Variants in RNF123 observed in about 807,000 individuals in gnomAD.
RNF123 encodes the protein ring finger protein 123, also known as E3 ubiquitin-protein ligase RNF123.
Under a neutral mutation model 168.5 loss-of-function variants are expected in RNF123, and 86 were observed. The observed-to-expected ratio is 0.51, with a 90% CI of 0.43 to 0.61. The LOEUF (loss-of-function observed/expected upper bound fraction) is 0.61. Among genes scored for constraint, RNF123 ranks in the 20% least tolerant of loss-of-function variants. RNF123 has a pLI of 0.00. For missense variants in RNF123, 1,419 were observed against 1,729.7 expected, an observed-to-expected ratio of 0.82 and a Z score of 3.19; for synonymous variants, 666 against 689.1, an observed-to-expected ratio of 0.97 and a Z score of 0.52.
intron 1 of RNF123, among the ~76,000 whole-genome samples, chr3:49,690,376 CAT>C (rs1168645746): frequency 6.6e-6 from 1 of 152,230 alleles, no homozygotes; most frequent in Non-Finnish European, 1.5e-5. Context: ...TAAGTAACCT[CAT>C]GTGGATGACG....
Position 49,715,852 on chromosome 3 carries a change from A to G in RNF123, c.3181A>G (p.Asn1061Asp). The change falls in exon 33 of 39, where the codon AAC becomes GAC. Residue 1061 changes from asparagine to aspartate, a missense_variant. This residue lies in a region of RNF123 where 538 missense variants were observed against 708.8 expected (regional missense o/e 0.76). Transcript: ENST00000327697. ...IQQAAERLER[N>D]FVDSRQLKVC... is the part of the protein sequence containing the mutation. ...GCAGGCTGCTGAGCGCCTGGAGCGG[A>G]ACTTTGTGGACAGCCGGCAGCTCAA... The G allele has an allele frequency of 6.2e-7, 1 of 1,613,924 alleles. No homozygotes were observed. The highest frequency in any genetic ancestry group is 8.5e-7 in the Non-Finnish European group (1 of 1,180,012).
Position 49,713,898 on chromosome 3 carries a change from T to C in RNF123, c.2838-12T>C. Reference sequence around the variant, plus strand: ...CAGCCTCACCCCGTCTCTCCCCTCCTTGCCCTCACAGGCGTATCGCCATGG... The same window carrying C: ...CAGCCTCACCCCGTCTCTCCCCTCCCTGCCCTCACAGGCGTATCGCCATGG... On this transcript the variant is annotated splice_polypyrimidine_tract_variant and intron_variant, in intron 29 of 38. Coordinates refer to ENST00000327697, the MANE Select transcript of RNF123 (RefSeq NM_022064.5). 1 of 1,613,520 alleles carries C rather than the reference T, an allele frequency of 6.2e-7. No homozygotes were observed. The highest frequency in any genetic ancestry group is 8.5e-7 in the Non-Finnish European group (1 of 1,179,710).
At chr3:49,696,666 C>T (rs1354459320) in intron 3 of RNF123, among the ~76,000 whole-genome samples, 3 of 106,822 alleles carry the variant, frequency 2.8e-5, no homozygotes, top group Non-Finnish European at 1.8e-5. Flanking sequence ...TTTTTTGAGA[C>T]AGAGTCTTAC....
rs748297846 is a variant in RNF123, at chr3:49,699,609, G to A, written c.879+27G>A. On this transcript the variant is annotated intron_variant, in intron 11 of 38. Coordinates refer to ENST00000327697, the MANE Select transcript of RNF123 (RefSeq NM_022064.5). This position sits in a 1 kb window ranked among gnomAD's most constrained non-coding sequence, Gnocchi z 4.8. ...TGAGCTGGGGTCTGGGCCAGGCGGG[G>A]TGGGGGGCTTCCACAGCCTCCTGCC... The A allele has an allele frequency of 2.5e-6, 4 of 1,612,702 alleles. No homozygotes were observed. The highest frequency in any genetic ancestry group is 2.2e-5 in the East Asian group (1 of 44,876).
rs1045969778 is a variant in RNF123 at position 49,717,838 on chromosome 3, T to TG, written c.3500+1367dup. 18 of 1,192,686 alleles carry TG rather than the reference T, an allele frequency of 1.5e-5. No individual in the cohort carries two copies. The Admixed American group carries it at 2.3e-4, about 16-fold the overall frequency. 73.9% of individuals were successfully genotyped at this position (1,192,686 alleles called of 1,614,324 possible). A position where few individuals can be genotyped will look rare whatever the true frequency, so the allele number is the denominator to read the frequency against. ...GTGTTTCGAGGCCCATACAGGAAGC[T>TG]GGGGGGCCAGGCACAGTGCTTCCCA... is the stretch of plus-strand genomic sequence containing the variant. On this transcript the variant is annotated intron_variant, in intron 35 of 38. Transcript: ENST00000327697.
chr3:49,698,207 C>G, intron 7 of RNF123, 70 bp downstream of exon 7: 3 of 1,385,400 alleles, frequency 2.2e-6, no homozygotes, highest in South Asian at 1.2e-5. Context: ...CTCATCAGGT[C>G]TCCAGATCCC....
intron 35 of RNF123, chr3:49,717,970 T>A: frequency 6.2e-7 from 1 of 1,613,148 alleles, no homozygotes; most frequent in South Asian, 1.1e-5. Context: ...CATGGGACCC[T>A]CGGAGCCTAT....
At chr3:49,718,289 C>T (rs918219257) in intron 35 of RNF123, 12 of 1,613,060 alleles carry the variant, frequency 7.4e-6, no homozygotes, top group Non-Finnish European at 9.3e-6. Context: ...ACAAGGCCCA[C>T]GGCACAGCCC....
At chr3:49,702,914 C>A (rs2054435588) in intron 20 of RNF123, among the ~76,000 whole-genome samples, 161 bp downstream of exon 20, 1 of 152,256 alleles carries the variant, frequency 6.6e-6, no homozygotes, top group East Asian at 1.9e-4. Context: ...GCGGCTTCTC[C>A]ACTGGGGCAG....
At position 49,720,545 on chromosome 3, in the gene RNF123, C is replaced by T. The variant is rs764684335; in HGVS notation, c.3535C>T (p.Pro1179Ser). The T allele has an allele frequency of 3.7e-6, 6 of 1,608,578 alleles. No homozygotes were observed. Among genetic ancestry groups the T allele is most frequent in the South Asian group, 1.1e-5 (1 of 90,496 alleles). ...EQATSVLLAD[P>S]CFQLRSICYL... is the part of the protein sequence containing the mutation. Reference sequence around the variant, plus strand: ...AGCCACATCAGTGCTCCTGGCAGATCCCTGCTTCCAGCTACGCTCAATATG... The same window carrying T: ...AGCCACATCAGTGCTCCTGGCAGATTCCTGCTTCCAGCTACGCTCAATATG... Residue 1179 changes from proline (P) to serine (S), a missense_variant, in exon 36 of 39, where the codon CCC (proline) becomes TCC (serine). Around this residue, in one of 5 missense-constraint regions of RNF123, gnomAD observed 164 missense variants for 152.3 expected, o/e 1.08. Transcript: ENST00000327697.
intron 9 of RNF123, 54 bp from the exon 10 acceptor site, chr3:49,698,926 A>G: frequency 6.2e-7 from 1 of 1,608,522 alleles, no homozygotes; most frequent in Non-Finnish European, 8.5e-7. Flanking sequence ...TGATAGCCTG[A>G]GGGTGGGCAG....
At position 49,699,104 on chromosome 3, in the gene RNF123, C is replaced by A; in HGVS notation, c.763C>A (p.Arg255Ser). ...CTTCAACTTTGGCAGCCGTCCTCTG[C>A]GATATCATTTTGTGAAGATGGCTGT... ...VAFNFGSRPLRYPVAGYRPLQ... is the reference protein window; with the variant it reads ...VAFNFGSRPLSYPVAGYRPLQ... Residue 255 changes from arginine to serine, a missense_variant and splice_region_variant, in exon 10 of 39, where the codon CGC (arginine) becomes AGC (serine). Arg to Ser is a moderately radical substitution (Grantham distance 110). Around this residue, in one of 5 missense-constraint regions of RNF123, gnomAD observed 318 missense variants for 446.6 expected, o/e 0.71. Coordinates refer to ENST00000327697, the MANE Select transcript of RNF123 (RefSeq NM_022064.5). This position sits in a 1 kb window ranked among gnomAD's most constrained non-coding sequence, Gnocchi z 4.8. 1.2e-6 allele frequency: 2 copies of A among 1,612,932 alleles called. No homozygotes were observed. The highest frequency in any genetic ancestry group is 3.3e-5 in the Admixed American group (2 of 59,948).
Position 49,701,624 on chromosome 3 carries a change from G to C in RNF123, c.1395+16G>C. On this transcript the variant is annotated intron_variant, in intron 16 of 38. Coordinates refer to ENST00000327697, the MANE Select transcript of RNF123 (RefSeq NM_022064.5). ...CAGTAGGGAGGTGAGTGCACCCCAAGTGGGATGGGCAGAGGTCATGGCAAG... is the reference window on the plus strand; with the variant it reads ...CAGTAGGGAGGTGAGTGCACCCCAACTGGGATGGGCAGAGGTCATGGCAAG... 1.9e-6 allele frequency: 3 copies of C among 1,603,526 alleles called. No individual in the cohort carries two copies. Among genetic ancestry groups the C allele is most frequent in the Non-Finnish European group, 2.6e-6 (3 of 1,170,800 alleles).
intron 35 of RNF123, chr3:49,719,157 G>A: frequency 6.2e-7 from 1 of 1,613,532 alleles, no homozygotes. Context: ...TGACGAAGAC[G>A]CCGCGACCCA....
chr3:49,719,652 AG>A (rs1292320347), intron 35 of RNF123: 3 of 582,878 alleles, frequency 5.1e-6, no homozygotes, highest in African/African-American at 1.9e-5. Flanking sequence ...CGGCACTCTT[AG>A]CCGCGCTCCC....
rs771132419 is a variant in RNF123, at chr3:49,716,502, C to T, written c.3500+25C>T. The T allele has an allele frequency of 5.0e-6, 8 of 1,604,398 alleles. No individual in the cohort carries two copies. In the South Asian group the frequency reaches 6.6e-5, roughly 13 times the overall value. ...AGTGAGTGTTGGGGACCGTGGGCCCCTGTGGGAGTTGGGTGTGTCTGGTGA... is the reference window on the plus strand; with the variant it reads ...AGTGAGTGTTGGGGACCGTGGGCCCTTGTGGGAGTTGGGTGTGTCTGGTGA... On this transcript the variant is annotated intron_variant, in intron 35 of 38. Transcript: ENST00000327697.
rs749093154 is a variant in RNF123, at chr3:49,718,997, G to A, written c.3501-1514G>A. 3.7e-6 allele frequency: 6 copies of A among 1,613,822 alleles called. No homozygotes were observed. The South Asian group carries it at 6.6e-5, about 18-fold the overall frequency. On this transcript the variant is annotated intron_variant, in intron 35 of 38. Transcript: ENST00000327697. ...CCCAGGTAGAGATGGCTGAGCGCGC[G>A]CAGGCCGTGGAAGGCATGCTCGTCC...
rs761348288 is a variant in RNF123 at position 49,699,650 on chromosome 3, T to C, written c.880-18T>C. 27 of 1,612,700 alleles carry C rather than the reference T, an allele frequency of 1.7e-5. No homozygotes were observed. The highest frequency in any genetic ancestry group is 2.3e-5 in the Non-Finnish European group (27 of 1,179,440). Reference sequence around the variant, plus strand: ...GCCTCCTGCCCCTCACACTTCTCCCTCCTCCCCCTCCACACAGGAGGGGCG... The same window carrying C: ...GCCTCCTGCCCCTCACACTTCTCCCCCCTCCCCCTCCACACAGGAGGGGCG... On this transcript the variant is annotated intron_variant, in intron 11 of 38. Coordinates refer to ENST00000327697, the MANE Select transcript of RNF123 (RefSeq NM_022064.5). This position sits in a 1 kb window ranked among gnomAD's most constrained non-coding sequence, Gnocchi z 4.8.
rs745658819 is a variant in RNF123, at chr3:49,718,307, T to C, written c.3500+1830T>C. 150 of 1,613,066 alleles carry C rather than the reference T, an allele frequency of 9.3e-5. No individual in the cohort carries two copies. Among genetic ancestry groups the C allele is most frequent in the Middle Eastern group, 1.6e-4 (1 of 6,084 alleles). ...AGGCCCACGGCACAGCCCAGCAGTG[T>C]GGTGAAGCCTGTGTTGAAAGCCTCG... On this transcript the variant is annotated intron_variant, in intron 35 of 38. Transcript: ENST00000327697.
Sources: gnomAD v4.1 joint callset for allele counts (sites outside exome capture counted in the v4.1 genomes callset) on GRCh38, gnomAD v4.1.1 for gene constraint, gnomAD v4.1.1 regional missense constraint, Gnocchi (gnomAD v3.1) non-coding constraint, MANE v1.5 for transcripts, NCBI Gene and HGNC (gene_info 2026-07-23, HGNC 2026-07-21) for gene names.